The following DNAI7 variants were observed in gnomAD, a reference collection of about 807,000 sequenced individuals.
DNAI7 encodes cancer susceptibility 1.
Under a neutral mutation model 86.6 loss-of-function variants are expected in DNAI7, and 78 were observed. The ratio of observed to expected loss-of-function variants is 0.90; its 90% CI spans 0.75 to 1.09. DNAI7 has a LOEUF of 1.09. Ranked by LOEUF, DNAI7 falls within the 50% of genes least tolerant of loss-of-function variation. DNAI7 has a pLI of 0.00. For synonymous variants in DNAI7, 274 were observed against 273.0 expected, an observed-to-expected ratio of 1.00 and a Z score of -0.04; for missense variants, 753 against 810.2, an observed-to-expected ratio of 0.93 and a Z score of 0.86.
Position 25,111,863 on chromosome 12 carries a change from G to T in DNAI7, c.1688C>A (p.Thr563Asn). The T allele has an allele frequency of 6.2e-7, 1 of 1,605,848 alleles. No homozygotes were observed. The highest frequency in any genetic ancestry group is 8.5e-7 in the Non-Finnish European group (1 of 1,174,442). Residue 563 changes from threonine to asparagine, a missense_variant, in exon 14 of 16, where the codon ACT (threonine) becomes AAT (asparagine). Coordinates refer to ENST00000395987, the MANE Select transcript of DNAI7 (RefSeq NM_018272.5). ...CAAAGCAATAATGAAAGGAATAGGA[G>T]TCATCCAGGTTCCTTCCAAAATAGA... Reference protein sequence around the residue: ...HISILEGTWMTPIPFIIALKE... With the variant: ...HISILEGTWMNPIPFIIALKE...
At chr12:25,108,847 A>T (rs1592146934) in intron 15 of DNAI7, 24 bp from the exon 16 acceptor site, 1 of 1,128,748 alleles carries the variant, frequency 8.9e-7, no homozygotes, top group Admixed American at 3.0e-5. Flanking sequence ...AAATTCAAGC[A>T]AGTTGTTAAT....
At chr12:25,174,312 A>T (rs1235625351) in intron 2 of DNAI7, among the ~76,000 whole-genome samples, 1 of 140,176 alleles carries the variant, frequency 7.1e-6, no homozygotes, top group Non-Finnish European at 1.5e-5. Context: ...CTTTGTTTTT[A>T]TTGCATTTGC....
At chr12:25,145,394 T>A (rs1254509617) in intron 8 of DNAI7, among the ~76,000 whole-genome samples, 1 of 152,194 alleles carries the variant, frequency 6.6e-6, no homozygotes. Context: ...TTGTTCTGCC[T>A]GCACTATTCC....
chr12:25,143,184 A>C (rs1268464110), intron 9 of DNAI7, among the ~76,000 whole-genome samples: 1 of 151,722 alleles, frequency 6.6e-6, no homozygotes, highest in Non-Finnish European at 1.5e-5. Context: ...GTCTAAATAC[A>C]ATTTTTTTAT....
intron 1 of DNAI7, chr12:25,194,790 G>T: frequency 7.8e-7 from 1 of 1,287,230 alleles, no homozygotes; most frequent in Non-Finnish European, 1.1e-6. Context: ...TTACTAGGTT[G>T]GGACCAATTT....
intron 2 of DNAI7, among the ~76,000 whole-genome samples, chr12:25,164,589 C>G (rs897302249): frequency 6.6e-6 from 1 of 152,130 alleles, no homozygotes; most frequent in African/African-American, 2.4e-5. Context: ...TTCCATCCTA[C>G]AAGACCTAAA....
rs1220250043 is a variant in DNAI7, at chr12:25,174,685, T to TATATGGAATATAGATATCATAC, written c.22-13510_22-13489dup. On this transcript the variant is annotated intron_variant, in intron 2 of 15. Transcript: ENST00000395987. The stretch of plus-strand genomic sequence containing the variant: ...ATATATGGAATATATATATCATATA[T>TATATGGAATATAGATATCATAC]ATATGGAATATAGATATCATACATA... 1.6e-4 allele frequency among the ~76,000 whole-genome samples: 21 copies of TATATGGAATATAGATATCATAC among 129,434 alleles called. No homozygotes were observed. The South Asian group carries it at 5.1e-3, about 31-fold the overall frequency. 84.9% of individuals were successfully genotyped at this position (129,434 alleles called of 152,430 possible).
chr12:25,165,616 T>A (rs1947370249), intron 2 of DNAI7, among the ~76,000 whole-genome samples: 1 of 152,210 alleles, frequency 6.6e-6, no homozygotes, highest in African/African-American at 2.4e-5. Flanking sequence ...GCTTAGCGGC[T>A]GAAGACTGAC....
intron 1 of DNAI7, among the ~76,000 whole-genome samples, chr12:25,193,982 C>T (rs1326787416): frequency 6.6e-6 from 1 of 152,110 alleles, no homozygotes; most frequent in East Asian, 1.9e-4. Flanking sequence ...CCAACACGCC[C>T]GGCTAATTTT....
Position 25,121,828 on chromosome 12 carries a change from C to A in DNAI7, c.1164G>T (p.Leu388=). 6.2e-7 allele frequency: 1 copy of A among 1,606,128 alleles called. No individual in the cohort carries two copies. Among genetic ancestry groups the A allele is most frequent in the Admixed American group, 1.7e-5 (1 of 57,482 alleles). Residue 388 remains leucine (L), a synonymous_variant, in exon 11 of 16, where the codon CTG becomes CTT. Transcript: ENST00000395987. ...NVVDLCQFTT[L]GGVYHLDILE... ...AAATATCCAAGTGGTATACTCCACCCAGAGTTGTGAACTGGCATAAATCCA... is the reference window on the plus strand; with the variant it reads ...AAATATCCAAGTGGTATACTCCACCAAGAGTTGTGAACTGGCATAAATCCA...
intron 1 of DNAI7, 161 bp downstream of exon 1, chr12:25,194,915 A>T (rs371092985): frequency 6.2e-7 from 1 of 1,614,152 alleles, no homozygotes. Flanking sequence ...AAGGAAAGCC[A>T]TTGCTGAGAA....
chr12:25,174,707 C>CATACATATGGAATATATATATCATATAT (rs1948758649), intron 2 of DNAI7, among the ~76,000 whole-genome samples: 13 of 74,958 alleles, frequency 1.7e-4, no homozygotes, highest in African/African-American at 2.6e-4. Flanking sequence ...AGATATCATA[C>CATACATATGGAATATATATATCATATAT]ATATGGAATA....
At position 25,154,331 on chromosome 12, in the gene DNAI7, T is replaced by G. The variant is rs756438022; in HGVS notation, c.426A>C (p.Lys142Asn). 1 of 1,607,696 alleles carries G rather than the reference T, an allele frequency of 6.2e-7. No individual in the cohort carries two copies. The highest frequency in any genetic ancestry group is 1.7e-5 in the Admixed American group (1 of 57,762). ...CATAAATACCTACATTTAGCACTACTTTACTCTTCTCAATCACTTCCTCAA... is the reference window on the plus strand; with the variant it reads ...CATAAATACCTACATTTAGCACTACGTTACTCTTCTCAATCACTTCCTCAA... ...ETFEEVIEKS[K>N]VVLNLIEKLK... Residue 142 changes from lysine to asparagine, a missense_variant, in exon 6 of 16, where the codon AAA becomes AAC. By Grantham distance (94) the Lys-to-Asn change is moderately conservative (BLOSUM62 0). Transcript: ENST00000395987.
intron 11 of DNAI7, among the ~76,000 whole-genome samples, chr12:25,120,343 G>GAGAGAGAGAGAGAGAGAGAGAGAGAGAGA (rs1941063595): frequency 3.6e-5 from 1 of 28,110 alleles, no homozygotes; most frequent in Non-Finnish European, 1.3e-4. Flanking sequence ...AGAGAGAGAG[G>GAGAGAGAGAGAGAGAGAGAGAGAGAGAGA]AAGGAAGGGG....
intron 2 of DNAI7, among the ~76,000 whole-genome samples, chr12:25,168,684 A>G (rs1254013787): frequency 6.6e-6 from 1 of 152,118 alleles, no homozygotes; most frequent in African/African-American, 2.4e-5. Context: ...ACAACATAAA[A>G]AACTCAAGGA....
chr12:25,135,523 A>C (rs774482021), intron 9 of DNAI7, among the ~76,000 whole-genome samples: 5 of 152,152 alleles, frequency 3.3e-5, no homozygotes, highest in Non-Finnish European at 7.4e-5. Flanking sequence ...TACAGACACA[A>C]GCACAGAAGC....
At chr12:25,112,158 ATCAGAACAT>A (rs1938983375) in intron 13 of DNAI7, among the ~76,000 whole-genome samples, 1 of 152,216 alleles carries the variant, frequency 6.6e-6, no homozygotes, top group Non-Finnish European at 1.5e-5. Flanking sequence ...TTTGGGCTTC[ATCAGAACAT>A]TCAAAGAATG....
intron 4 of DNAI7, among the ~76,000 whole-genome samples, chr12:25,156,982 A>G (rs1412549975): frequency 2.0e-5 from 3 of 151,968 alleles, no homozygotes; most frequent in Non-Finnish European, 4.4e-5. Context: ...ATGGTTTCAT[A>G]TTCCACATTA....
intron 9 of DNAI7, among the ~76,000 whole-genome samples, chr12:25,127,642 A>G (rs1369462077): frequency 6.6e-6 from 1 of 152,218 alleles, no homozygotes; most frequent in Non-Finnish European, 1.5e-5. Context: ...ATCTTGTCTC[A>G]ATGTATACGA....
Sources: gnomAD v4.1 joint callset for allele counts (sites outside exome capture counted in the v4.1 genomes callset) on GRCh38, gnomAD v4.1.1 for gene constraint, MANE v1.5 for transcripts, NCBI Gene and HGNC (gene_info 2026-07-23, HGNC 2026-07-21) for gene names.